The following ALPK1 variants were observed in gnomAD, a reference collection of about 807,000 sequenced individuals.
ALPK1 encodes alpha-protein kinase 1.
ALPK1 carries 110 observed loss-of-function variants against 120.6 expected under a neutral mutation model. That is an observed-to-expected ratio of 0.91 (90% CI 0.78 to 1.07). The LOEUF (loss-of-function observed/expected upper bound fraction) is 1.07, where lower values mean the gene tolerates loss of function less well. Ranked by LOEUF, ALPK1 falls within the 50% of genes least tolerant of loss-of-function variation. The pLI is 0.00. For missense variants in ALPK1, 1,498 were observed against 1,483.9 expected, an observed-to-expected ratio of 1.01 and a Z score of -0.16; for synonymous variants, 582 against 560.3, an observed-to-expected ratio of 1.04 and a Z score of -0.55.
intron 4 of ALPK1, among the ~76,000 whole-genome samples, chr4:112,391,074 T>C (rs1732393295): frequency 6.6e-6 from 1 of 152,224 alleles, no homozygotes. Context: ...TTCCCACATA[T>C]TCACTTTTGC....
At chr4:112,440,263 G>A (rs1734976684) in intron 14 of ALPK1, among the ~76,000 whole-genome samples, 1 of 152,024 alleles carries the variant, frequency 6.6e-6, no homozygotes, top group Non-Finnish European at 1.5e-5. Flanking sequence ...AAAGTGTGAT[G>A]TTGGGTTTCA....
chr4:112,403,198 GC>G (rs997252753), intron 4 of ALPK1, among the ~76,000 whole-genome samples: 3 of 151,616 alleles, frequency 2.0e-5, no homozygotes, highest in Non-Finnish European at 4.4e-5. Flanking sequence ...ATGTCAGAGT[GC>G]CCCCCGCCCC....
Position 112,440,956 on chromosome 4 carries a change from C to T in ALPK1, c.3578C>T (p.Thr1193Ile). 6.2e-7 allele frequency: 1 copy of T among 1,613,742 alleles called. No individual in the cohort carries two copies. The highest frequency in any genetic ancestry group is 8.5e-7 in the Non-Finnish European group (1 of 1,179,820). The change falls in exon 15 of 16, where the codon ACA becomes ATA. Residue 1193 changes from threonine to isoleucine, a missense_variant. Thr to Ile is a moderately conservative substitution (Grantham distance 89). Transcript: ENST00000650871. ...TGNGKGLIYL[T>I]DPQIHSVDQK... ...AATGGAAAAGGACTCATCTACCTCA[C>T]AGATCCCCAGATTCACTCCGTTGAT... is the stretch of plus-strand genomic sequence containing the variant.
At chr4:112,376,061 CCAGA>C (rs1435265686) in intron 2 of ALPK1, among the ~76,000 whole-genome samples, 3 of 152,216 alleles carry the variant, frequency 2.0e-5, no homozygotes, top group South Asian at 2.1e-4. Flanking sequence ...TTGCTGGCTC[CCAGA>C]CAGTTTGTGG....
chr4:112,330,960 G>T (rs1464233536), intron 2 of ALPK1, among the ~76,000 whole-genome samples: 3 of 152,196 alleles, frequency 2.0e-5, no homozygotes, highest in Non-Finnish European at 4.4e-5. Flanking sequence ...ATTCCAGGGA[G>T]AAAAACTGCT....
chr4:112,414,784 T>G (rs953850148), intron 5 of ALPK1: 2 of 154,542 alleles, frequency 1.3e-5, no homozygotes, highest in Non-Finnish European at 2.9e-5. Flanking sequence ...ATAAATATGG[T>G]GAATTAAAGA....
chr4:112,420,104 T>C (rs1578557741), intron 5 of ALPK1, among the ~76,000 whole-genome samples: 2 of 152,358 alleles, frequency 1.3e-5, no homozygotes, highest in East Asian at 3.8e-4. Context: ...GTTCCAAGCA[T>C]TGTTAGAGGT....
chr4:112,382,556 G>T lies in ALPK1; in HGVS notation c.276+4G>T. The T allele has an allele frequency of 6.2e-7, 1 of 1,614,104 alleles. No individual in the cohort carries two copies. Among genetic ancestry groups the T allele is most frequent in the Non-Finnish European group, 8.5e-7 (1 of 1,179,992 alleles). On this transcript the variant is annotated splice_donor_region_variant and intron_variant, in intron 4 of 15. Coordinates refer to ENST00000650871, the MANE Select transcript of ALPK1 (RefSeq NM_025144.4). ...CGCCGGGTTGCAGCAGTTACTGGTA[G>T]GAAGAGCCACACCACCTGTTCCTCT...
In ALPK1 at chr4:112,431,382, G is replaced by A. The variant is rs762607500; in HGVS notation, c.1835G>A (p.Gly612Asp). 1 of 1,614,076 alleles carries A rather than the reference G, an allele frequency of 6.2e-7. No homozygotes were observed. Among genetic ancestry groups the A allele is most frequent in the African/African-American group, 1.3e-5 (1 of 74,950 alleles). ...VDDRSARKEP[G>D]KEHLVDTQCS... ...GACAGGTCAGCCAGAAAAGAGCCTG[G>A]CAAAGAACATCTGGTGGACACTCAG... The change falls in exon 11 of 16, where the codon GGC (glycine) becomes GAC (aspartate). Residue 612 changes from glycine (G) to aspartate (D), a missense_variant. By Grantham distance (94) the Gly-to-Asp change is moderately conservative. Coordinates refer to ENST00000650871, the MANE Select transcript of ALPK1 (RefSeq NM_025144.4).
chr4:112,397,509 T>G (rs1732702490), intron 4 of ALPK1, among the ~76,000 whole-genome samples: 1 of 152,226 alleles, frequency 6.6e-6, no homozygotes, highest in Non-Finnish European at 1.5e-5. Flanking sequence ...GGGCACTGTA[T>G]GTGAAATCGA....
chr4:112,358,174 C>A (rs768992986), intron 2 of ALPK1: 2 of 621,744 alleles, frequency 3.2e-6, no homozygotes, highest in Non-Finnish European at 6.0e-6. Flanking sequence ...ACCAGGCCAT[C>A]GGGCAAGTGA....
At position 112,358,163 on chromosome 4, in the gene ALPK1, A is replaced by AAC. The variant is rs971684462; in HGVS notation, c.-100-19514_-100-19513dup. On this transcript the variant is annotated intron_variant, in intron 2 of 15. Transcript: ENST00000650871. ...CTCTGGGCAGGCGTCCAGGGCTGTG[A>AAC]ACCAGGCCATCGGGCAAGTGATCTG... The AAC allele has an allele frequency of 1.9e-5, 12 of 617,750 alleles. No individual in the cohort carries two copies. In the African/African-American group the frequency reaches 2.0e-4, roughly 10 times the overall value. The allele number at this position is 617,750 out of a possible 1,614,324, so 38.3% of individuals were successfully genotyped here.
intron 4 of ALPK1, among the ~76,000 whole-genome samples, chr4:112,396,389 C>A (rs1732652539): frequency 6.6e-6 from 1 of 152,098 alleles, no homozygotes; most frequent in Non-Finnish European, 1.5e-5. Flanking sequence ...AAACTGTAAA[C>A]CTACTTATCA....
Position 112,438,422 on chromosome 4 carries a change from C to G in ALPK1, c.3189-62C>G, listed in dbSNP as rs189540002. On this transcript the variant is annotated intron_variant, in intron 12 of 15. Transcript: ENST00000650871. ...GCATATGTCTTTTGATCTCCTCTCT[C>G]TTACTCCATAGTAAGTAAGACCACT... 2.4e-4 allele frequency: 373 copies of G among 1,530,214 alleles called. 1 individual carries two copies. In the African/African-American group the frequency reaches 4.7e-3, roughly 19 times the overall value. The allele number at this position is 1,530,214 out of a possible 1,614,324, so 94.8% of individuals were successfully genotyped here.
chr4:112,373,798 A>G (rs1323574862), intron 2 of ALPK1, among the ~76,000 whole-genome samples: 4 of 152,264 alleles, frequency 2.6e-5, no homozygotes, highest in Non-Finnish European at 5.9e-5. Context: ...AATGAAAGTT[A>G]TGTTTACACC....
chr4:112,330,998 A>G (rs898301078), intron 2 of ALPK1, among the ~76,000 whole-genome samples: 1 of 152,228 alleles, frequency 6.6e-6, no homozygotes, highest in Non-Finnish European at 1.5e-5. Flanking sequence ...GAGGTTCACT[A>G]TGATCAGCCA....
At chr4:112,407,735 T>C (rs1375830761) in intron 4 of ALPK1, among the ~76,000 whole-genome samples, 1 of 152,160 alleles carries the variant, frequency 6.6e-6, no homozygotes, top group Non-Finnish European at 1.5e-5. Flanking sequence ...GAATCACCTC[T>C]GGAGAATAGC....
At chr4:112,307,841 A>T (rs1359737111) in intron 1 of ALPK1, among the ~76,000 whole-genome samples, 1 of 152,074 alleles carries the variant, frequency 6.6e-6, no homozygotes, top group Non-Finnish European at 1.5e-5. Flanking sequence ...TCTTCCTAGC[A>T]TTGATGGTCT....
intron 1 of ALPK1, among the ~76,000 whole-genome samples, chr4:112,310,322 T>C (rs1264830225): frequency 2.0e-5 from 3 of 152,158 alleles, no homozygotes; most frequent in African/African-American, 7.2e-5. Context: ...TAGAAGGTTG[T>C]AACATTTGAG....
Sources: allele counts gnomAD v4.1 joint callset (sites outside exome capture counted in the v4.1 genomes callset), GRCh38; gene constraint gnomAD v4.1.1; transcripts MANE v1.5; gene names NCBI Gene and HGNC (gene_info 2026-07-23, HGNC 2026-07-21).